The following OPRM1 variants were observed in gnomAD, a reference collection of about 807,000 sequenced individuals.
The protein encoded by OPRM1 is mu-type opioid receptor.
OPRM1 carries 27 observed loss-of-function variants against 31.8 expected under a neutral mutation model. That is an observed-to-expected ratio of 0.85 (90% CI 0.63 to 1.17). OPRM1 has a LOEUF of 1.17. OPRM1 is among the 50% of genes most tolerant of loss of function. The pLI is 0.00. For synonymous variants in OPRM1, 196 were observed against 189.9 expected (o/e 1.03, Z -0.26); for missense variants, 536 against 511.1 (o/e 1.05, Z -0.47).
intron 3 of OPRM1, among the ~76,000 whole-genome samples, chr6:154,144,585 A>G (rs1028129243): frequency 2.0e-5 from 3 of 151,988 alleles, no homozygotes; most frequent in Non-Finnish European, 2.9e-5. Context: ...CGTCTCTACT[A>G]AAAGTACAAA....
At position 154,130,890 on chromosome 6, in the gene OPRM1, T is replaced by C. The variant is rs969179188; in HGVS notation, c.*12169T>C. 8.5e-5 allele frequency among the ~76,000 whole-genome samples: 13 copies of C among 152,118 alleles called. No individual in the cohort carries two copies. The highest frequency in any genetic ancestry group is 2.4e-4 in the African/African-American group (10 of 41,428). On this transcript the variant is annotated 3_prime_UTR_variant, in exon 4 of 4. Coordinates refer to ENST00000330432, the MANE Select transcript of OPRM1 (RefSeq NM_000914.5). ...TACATTTCCTGAACTTTTACATACT[T>C]AAATAGCCAGTTATGAAAATGTAAA...
intron 3 of OPRM1, among the ~76,000 whole-genome samples, chr6:154,219,824 A>G (rs917593558): frequency 6.6e-6 from 1 of 152,178 alleles, no homozygotes; most frequent in Non-Finnish European, 1.5e-5. Flanking sequence ...GGAAGACTCA[A>G]CTGTCCGTTC....
intron 3 of OPRM1, among the ~76,000 whole-genome samples, chr6:154,213,983 T>G (rs1041928191): frequency 6.6e-6 from 1 of 152,224 alleles, no homozygotes; most frequent in Admixed American, 6.5e-5. Flanking sequence ...AGCCCACAGC[T>G]GCCGGAGTGT....
chr6:154,202,748 C>T (rs966806719), intron 3 of OPRM1, among the ~76,000 whole-genome samples: 6 of 152,096 alleles, frequency 3.9e-5, no homozygotes, highest in South Asian at 2.1e-4. Flanking sequence ...GAAGTGTCAT[C>T]GTGTTTGTGC....
At chr6:154,182,098 G>C (rs1025391843) in intron 3 of OPRM1, among the ~76,000 whole-genome samples, 3 of 152,144 alleles carry the variant, frequency 2.0e-5, no homozygotes, top group Non-Finnish European at 2.9e-5. Flanking sequence ...GAAATTCCAT[G>C]AGAAACTGAA....
chr6:154,195,765 T>C (rs1776565122), intron 3 of OPRM1, among the ~76,000 whole-genome samples: 1 of 151,614 alleles, frequency 6.6e-6, no homozygotes, highest in Admixed American at 6.6e-5. Flanking sequence ...TAACATTTTT[T>C]AGACCAGAAT....
chr6:154,154,985 G>A (rs982313635), intron 3 of OPRM1: 8 of 151,958 alleles, frequency 5.3e-5, no homozygotes, highest in Non-Finnish European at 7.4e-5. Context: ...CTCTTTCCAC[G>A]AGGCACACTT....
At chr6:154,135,108 C>G (rs189778104), downstream of OPRM1, among the ~76,000 whole-genome samples, 6 of 152,338 alleles carry the variant, frequency 3.9e-5, no homozygotes, top group East Asian at 1.2e-3. Flanking sequence ...CTATGGAATT[C>G]ACTGGAGGTG....
chr6:154,152,328 AAAGAAAGAAAG>A (rs748282447), intron 3 of OPRM1, among the ~76,000 whole-genome samples: 6 of 29,686 alleles, frequency 2.0e-4, no homozygotes, highest in African/African-American at 4.6e-4. Flanking sequence ...AGAAAGAAAG[AAAGAAAGAAAG>A]AAAGAAAGGA....
chr6:154,194,098 C>T (rs533108086), intron 3 of OPRM1, among the ~76,000 whole-genome samples: 65 of 152,268 alleles, frequency 4.3e-4, no homozygotes, highest in African/African-American at 1.3e-3. Context: ...CGCTCCTCAA[C>T]GTTTCAAACT....
rs1446597504 is a variant in OPRM1 at position 154,122,591 on chromosome 6, A to G, written c.*3870A>G. On this transcript the variant is annotated 3_prime_UTR_variant, in exon 4 of 4. Coordinates refer to ENST00000330432, the MANE Select transcript of OPRM1 (RefSeq NM_000914.5). ...ATTTAATTACAAATAATTTCAACCC[A>G]TAGTCAGTGTTCTTCACTGTCTTCA... Among the ~76,000 whole-genome samples, 2 of 152,186 alleles carry G rather than the reference A, an allele frequency of 1.3e-5. No individual in the cohort carries two copies. The highest frequency in any genetic ancestry group is 2.9e-5 in the Non-Finnish European group (2 of 68,028).
intron 1 of OPRM1, among the ~76,000 whole-genome samples, chr6:154,040,285 CG>C (rs1779790606): frequency 1.3e-5 from 2 of 151,412 alleles, no homozygotes; most frequent in Non-Finnish European, 2.9e-5. Flanking sequence ...GTGTGTGTGG[CG>C]GGGGGAGCAG....
At chr6:154,152,331 G>T (rs868184227) in intron 3 of OPRM1, among the ~76,000 whole-genome samples, 1 of 50,640 alleles carries the variant, frequency 2.0e-5, no homozygotes, top group Non-Finnish European at 3.6e-5. Context: ...AAGAAAGAAA[G>T]AAAGAAAGAA....
chr6:154,174,675 G>A (rs1011390181), intron 3 of OPRM1, among the ~76,000 whole-genome samples: 4 of 152,152 alleles, frequency 2.6e-5, no homozygotes, highest in African/African-American at 9.7e-5. Flanking sequence ...CATAAAGCAA[G>A]TCCTTAGAGA....
intron 1 of OPRM1, among the ~76,000 whole-genome samples, chr6:154,070,568 A>G (rs1285663158): frequency 1.3e-5 from 2 of 152,240 alleles, no homozygotes; most frequent in African/African-American, 4.8e-5. Flanking sequence ...ATAATGCTCA[A>G]AAACAGTATC....
At chr6:154,207,142 C>A (rs998064517) in intron 3 of OPRM1, among the ~76,000 whole-genome samples, 1 of 152,202 alleles carries the variant, frequency 6.6e-6, no homozygotes, top group Admixed American at 6.5e-5. Context: ...AGGGCCTCAA[C>A]TAGGCAGTGG....
intron 1 of OPRM1, among the ~76,000 whole-genome samples, chr6:154,022,582 G>T (rs1424926942): frequency 6.6e-6 from 1 of 152,070 alleles, no homozygotes; most frequent in Non-Finnish European, 1.5e-5. Context: ...GTCCATTTTT[G>T]CTTTGGTTTC....
At chr6:154,079,387 TG>T (rs1173077138) in intron 1 of OPRM1, among the ~76,000 whole-genome samples, 1 of 152,060 alleles carries the variant, frequency 6.6e-6, no homozygotes. Context: ...CTGCACTGCA[TG>T]GGGGAAGTGA....
In OPRM1 at chr6:154,178,540, G is replaced by A. The variant is rs990876947; in HGVS notation, c.1165-68153G>A. Reference sequence around the variant, plus strand: ...TTTCTTTTTCTAACTTAAACTTTGGGTTGGGCAACTGTGTATATGTAAATA... The same window carrying A: ...TTTCTTTTTCTAACTTAAACTTTGGATTGGGCAACTGTGTATATGTAAATA... On this transcript the variant is annotated intron_variant, in intron 3 of 3. Coordinates refer to the OPRM1 transcript ENST00000337049. Among the ~76,000 whole-genome samples, 4 of 152,036 alleles carry A rather than the reference G, an allele frequency of 2.6e-5. No individual in the cohort carries two copies. In the South Asian group the frequency reaches 8.3e-4, roughly 32 times the overall value.
Sources: allele counts gnomAD v4.1 joint callset (sites outside exome capture counted in the v4.1 genomes callset), GRCh38; gene constraint gnomAD v4.1.1; transcripts MANE v1.5; gene names NCBI Gene and HGNC (gene_info 2026-07-23, HGNC 2026-07-21).